C2orf49: variants seen among roughly 807,000 people sequenced by gnomAD.
C2orf49 encodes tRNA splicing ligase complex subunit 2.
C2orf49 carries 11 observed loss-of-function variants against 20.6 expected under a neutral mutation model. That is an observed-to-expected ratio of 0.53 (90% confidence interval 0.34 to 0.88). The LOEUF is 0.88. C2orf49 is among the 40% of genes least tolerant of loss of function. C2orf49 has a pLI of 0.02. For synonymous variants in C2orf49, 134 were observed against 108.5 expected (o/e 1.24, Z -1.46); for missense variants, 289 against 274.2 (o/e 1.05, Z -0.38).
chr2:105,338,949 T>G (rs1456882091), intron 1 of C2orf49, among the ~76,000 whole-genome samples: 1 of 152,212 alleles, frequency 6.6e-6, no homozygotes, highest in Non-Finnish European at 1.5e-5. Context: ...AAGAATTTGG[T>G]GATTTAGATA....
At chr2:105,353,457 G>A (rs1422710508), downstream of C2orf49, among the ~76,000 whole-genome samples, 1 of 151,946 alleles carries the variant, frequency 6.6e-6, no homozygotes, top group Admixed American at 6.6e-5. Context: ...ATTTTGGCAT[G>A]TATGTCACCT....
At chr2:105,384,357 G>A in the C2orf49 span, among the ~76,000 whole-genome samples, 8 of 152,200 alleles carry the variant, frequency 5.3e-5, no homozygotes, top group African/African-American at 1.9e-4. Context: ...TGGAAGGGAC[G>A]TGTCACGAAA....
At chr2:105,365,672 T>TC in the C2orf49 span, among the ~76,000 whole-genome samples, 37 of 128,222 alleles carry the variant, frequency 2.9e-4, no homozygotes, top group African/African-American at 1.1e-3. Context: ...CCGTCTCTAC[T>TC]ACAAAAAAAA....
At chr2:105,344,826 G>C (rs1679770898) in intron 3 of C2orf49, among the ~76,000 whole-genome samples, 1 of 152,018 alleles carries the variant, frequency 6.6e-6, no homozygotes, top group East Asian at 1.9e-4. Flanking sequence ...CTGACCTCAA[G>C]TGATCCACCT....
chr2:105,361,267 C>A, the C2orf49 span: 1 of 1,601,482 alleles, frequency 6.2e-7, no homozygotes, highest in East Asian at 2.2e-5. Context: ...CAAGCAGCAA[C>A]TTCTCTGTGT....
At chr2:105,361,261 C>T in the C2orf49 span, 1 of 1,599,084 alleles carries the variant, frequency 6.3e-7, no homozygotes, top group Non-Finnish European at 8.5e-7. Flanking sequence ...AGATCACAAG[C>T]AGCAACTTCT....
chr2:105,377,870 T>A, the C2orf49 span: 1 of 363,694 alleles, frequency 2.7e-6, no homozygotes, highest in East Asian at 7.4e-5. Context: ...GGGAAGATAG[T>A]TGCTTTTTAC....
chr2:105,342,134 C>T (rs1172151037), intron 2 of C2orf49, among the ~76,000 whole-genome samples: 4 of 152,200 alleles, frequency 2.6e-5, no homozygotes, highest in African/African-American at 2.4e-5. Context: ...ATCGCGCCAT[C>T]GCACGCCACC....
chr2:105,364,071 A>G, the C2orf49 span, among the ~76,000 whole-genome samples: 1 of 152,136 alleles, frequency 6.6e-6, no homozygotes, highest in Non-Finnish European at 1.5e-5. Flanking sequence ...AGCCTGGCCA[A>G]CATGGCGAAA....
the C2orf49 span, chr2:105,376,280 C>A: frequency 1.3e-5 from 2 of 152,204 alleles, no homozygotes; most frequent in Non-Finnish European, 2.9e-5. Flanking sequence ...TGAACCAGCC[C>A]AGGCAAAATC....
the C2orf49 span, among the ~76,000 whole-genome samples, chr2:105,381,098 T>A: frequency 6.6e-6 from 1 of 152,170 alleles, no homozygotes; most frequent in East Asian, 1.9e-4. Flanking sequence ...AACGTCTGGC[T>A]CTCATCCTCC....
chr2:105,362,400 T>G, the C2orf49 span, among the ~76,000 whole-genome samples: 1 of 152,194 alleles, frequency 6.6e-6, no homozygotes. Flanking sequence ...TTAGGTGAAC[T>G]TGGTTCTAGG....
At chr2:105,355,954 A>G in the C2orf49 span, among the ~76,000 whole-genome samples, 20 of 152,284 alleles carry the variant, frequency 1.3e-4, no homozygotes, top group East Asian at 3.5e-3. Flanking sequence ...CTTTTTTGTT[A>G]AGAAAACAGA....
the C2orf49 span, among the ~76,000 whole-genome samples, chr2:105,370,874 G>C: frequency 2.0e-5 from 3 of 152,144 alleles, no homozygotes; most frequent in African/African-American, 7.2e-5. Flanking sequence ...AAGATTCAAT[G>C]GGATTCTGTA....
At chr2:105,374,893 G>A in the C2orf49 span, among the ~76,000 whole-genome samples, 123 of 152,296 alleles carry the variant, frequency 8.1e-4, 1 homozygote, top group African/African-American at 2.7e-3. Flanking sequence ...GGCTCTGCAC[G>A]GTTTCCTGGG....
chr2:105,337,811 C>T (rs548331770), intron 1 of C2orf49, 125 bp downstream of exon 1: 2 of 775,908 alleles, frequency 2.6e-6, no homozygotes, highest in South Asian at 3.6e-5. Context: ...TCACTCTCCA[C>T]CCACACAGAC....
chr2:105,376,960 G>C, the C2orf49 span, among the ~76,000 whole-genome samples: 1 of 152,334 alleles, frequency 6.6e-6, no homozygotes, highest in African/African-American at 2.4e-5. Flanking sequence ...GAGATACTTA[G>C]GGAAGTCACA....
intron 1 of C2orf49, 120 bp from the exon 2 acceptor site, chr2:105,339,463 T>C: frequency 1.1e-6 from 1 of 922,356 alleles, no homozygotes; most frequent in Non-Finnish European, 1.6e-6. Flanking sequence ...CGTGTTATTG[T>C]GAAAATGGCT....
the C2orf49 span, chr2:105,363,481 CG>C: frequency 6.3e-7 from 1 of 1,597,822 alleles, no homozygotes; most frequent in Non-Finnish European, 8.5e-7. Context: ...GCTGCAGGGA[CG>C]AGGGGGAGAG....
Sources: allele counts gnomAD v4.1 joint callset (sites outside exome capture counted in the v4.1 genomes callset), GRCh38; gene constraint gnomAD v4.1.1; transcripts MANE v1.5; gene names NCBI Gene and HGNC (gene_info 2026-07-23, HGNC 2026-07-21).